Variants in IGSF10 observed in about 807,000 individuals in gnomAD.
IGSF10 encodes immunoglobulin superfamily member 10, also known as calvaria mechanical force protein 608.
A neutral mutation model predicts 128.2 loss-of-function variants in IGSF10; 126 were observed. The observed-to-expected ratio is 0.98, with a 90% confidence interval of 0.85 to 1.14. The LOEUF is 1.14. Ranked by LOEUF, IGSF10 falls within the 50% of genes most tolerant of loss-of-function variation. The pLI is 0.00. For synonymous variants in IGSF10, 1,185 were observed against 1,146.2 expected, an observed-to-expected ratio of 1.03 and a Z score of -0.68; for missense variants, 3,295 against 3,149.8, an observed-to-expected ratio of 1.05 and a Z score of -1.10.
At chr3:151,470,578 C>T in the IGSF10 span, among the ~76,000 whole-genome samples, 1 of 152,190 alleles carries the variant, frequency 6.6e-6, no homozygotes, top group African/African-American at 2.4e-5. Flanking sequence ...CAACAGCCCT[C>T]ATCTTTAGGA....
At chr3:151,594,825 A>G in the IGSF10 span, among the ~76,000 whole-genome samples, 1 of 151,922 alleles carries the variant, frequency 6.6e-6, no homozygotes, top group Non-Finnish European at 1.5e-5. Flanking sequence ...GTGATATCCT[A>G]AATACCCTGA....
intron 4 of IGSF10, among the ~76,000 whole-genome samples, chr3:151,456,135 C>T (rs1363705671): frequency 6.6e-6 from 1 of 152,134 alleles, no homozygotes; most frequent in Non-Finnish European, 1.5e-5. Context: ...CCATCTATTC[C>T]TCCGAAGACA....
downstream of IGSF10, chr3:151,434,404 CTG>C (rs891348678): frequency 6.6e-6 from 1 of 152,208 alleles, no homozygotes; most frequent in Non-Finnish European, 1.5e-5. Context: ...GCTTTGTACA[CTG>C]TGAAAATATT....
chr3:151,555,386 G>A, the IGSF10 span, among the ~76,000 whole-genome samples: 2,186 of 151,884 alleles, frequency 0.014, 56 homozygotes, highest in African/African-American at 0.05. Flanking sequence ...GGACTTACAC[G>A]GTTGGAAAAA....
the IGSF10 span, among the ~76,000 whole-genome samples, chr3:151,511,121 A>G: frequency 3.3e-5 from 5 of 152,144 alleles, no homozygotes; most frequent in Non-Finnish European, 5.9e-5. Flanking sequence ...GAACGCCACA[A>G]AGATACTCCT....
At chr3:151,477,793 T>C in the IGSF10 span, among the ~76,000 whole-genome samples, 74 of 152,312 alleles carry the variant, frequency 4.9e-4, no homozygotes, top group African/African-American at 1.2e-3. Context: ...AAGGACCAGA[T>C]AGTGATATGT....
chr3:151,453,255 T>A, intron 5 of IGSF10, 129 bp downstream of exon 5: 7 of 746,628 alleles, frequency 9.4e-6, no homozygotes, highest in Non-Finnish European at 1.5e-5. Flanking sequence ...AATAATTCAT[T>A]ATTCTTGAAT....
At chr3:151,462,946 G>A (rs797009122), upstream of IGSF10, among the ~76,000 whole-genome samples, 3 of 152,294 alleles carry the variant, frequency 2.0e-5, no homozygotes, top group African/African-American at 7.2e-5. Context: ...TTCTCCCAAA[G>A]CTCCTTGGTG....
At chr3:151,515,953 C>G in the IGSF10 span, among the ~76,000 whole-genome samples, 130,198 of 151,958 alleles carry the variant, frequency 0.86, 56,001 homozygotes, top group Middle Eastern at 0.95. Flanking sequence ...TCCCATGCAA[C>G]AAGGCAAGAG....
At chr3:151,452,114 A>C (rs1721537738) in intron 5 of IGSF10, among the ~76,000 whole-genome samples, 1 of 152,074 alleles carries the variant, frequency 6.6e-6, no homozygotes, top group Non-Finnish European at 1.5e-5. Flanking sequence ...GGGTCTCGTA[A>C]AAATTATTAA....
chr3:151,501,069 A>C, the IGSF10 span, among the ~76,000 whole-genome samples: 2 of 152,214 alleles, frequency 1.3e-5, no homozygotes, highest in Admixed American at 6.6e-5. Flanking sequence ...ACAAAAATAC[A>C]ATCTACCACA....
chr3:151,496,053 T>G, the IGSF10 span, among the ~76,000 whole-genome samples: 2 of 152,146 alleles, frequency 1.3e-5, no homozygotes, highest in East Asian at 1.9e-4. Context: ...AAAAAACTTA[T>G]GAAACACGTT....
the IGSF10 span, among the ~76,000 whole-genome samples, chr3:151,502,043 C>T: frequency 6.6e-6 from 1 of 152,096 alleles, no homozygotes. Context: ...ATAGATCTTC[C>T]TACCCACCCC....
chr3:151,448,382 A>T lies in IGSF10; in HGVS notation c.1599T>A (p.Ser533Arg), dbSNP rs1407855464. Residue 533 changes from serine (S) to arginine (R), a missense_variant, in exon 6 of 8, where the codon AGT becomes AGA. Coordinates refer to ENST00000282466, the MANE Select transcript of IGSF10 (RefSeq NM_178822.5). ...CAGCCATCTGGAGTTCCAATTTTCC[A>T]CTTTTGTCTATTAGGATCCGTCCAT... ...SEDGRILIDK[S>R]GKLELQMADS... 6.2e-6 allele frequency: 10 copies of T among 1,614,132 alleles called. No individual in the cohort carries two copies. The highest frequency in any genetic ancestry group is 3.3e-4 in the Middle Eastern group (2 of 6,062).
rs770879341 is a variant in IGSF10, at chr3:151,443,193, A to G, written c.5754T>C (p.Ile1918=). ...GCTCCGAACCAGTGGAACTGGTAGC[A>G]ATGCATTCATAAGTGCCCCTGTCTG... ...ASSDRGTYEC[I]ATSSTGSERR... The change falls in exon 7 of 8, where the codon ATT becomes ATC. Residue 1918 remains isoleucine, a synonymous_variant. Coordinates refer to ENST00000282466, the MANE Select transcript of IGSF10 (RefSeq NM_178822.5). 6.2e-7 allele frequency: 1 copy of G among 1,614,222 alleles called. No individual in the cohort carries two copies.
At chr3:151,432,941 CA>C (rs35536198), downstream of IGSF10, 227,627 of 464,944 alleles carry the variant, frequency 0.49, 31,269 homozygotes, top group African/African-American at 0.55. Flanking sequence ...CTACATCTCA[CA>C]AAAAAAAAAA....
chr3:151,442,902 C>G (rs1000955294), intron 7 of IGSF10, 82 bp downstream of exon 7: 4 of 1,271,908 alleles, frequency 3.1e-6, no homozygotes, highest in Non-Finnish European at 3.2e-6. Context: ...CTGCTAGCCT[C>G]ACTGTGTCAC....
the IGSF10 span, among the ~76,000 whole-genome samples, chr3:151,582,391 C>CT: frequency 2.0e-5 from 3 of 151,080 alleles, no homozygotes; most frequent in South Asian, 6.3e-4. Context: ...AGAAGTCCCA[C>CT]TTTTTTCCCT....
chr3:151,470,972 C>A, the IGSF10 span, among the ~76,000 whole-genome samples: 1 of 152,070 alleles, frequency 6.6e-6, no homozygotes, highest in East Asian at 1.9e-4. Context: ...TATCTCTGCC[C>A]AATGATGGTG....
Sources: gnomAD v4.1 joint callset for allele counts (sites outside exome capture counted in the v4.1 genomes callset) on GRCh38, gnomAD v4.1.1 for gene constraint, MANE v1.5 for transcripts, NCBI Gene and HGNC (gene_info 2026-07-23, HGNC 2026-07-21) for gene names.